Variants in CCDC142 observed in about 807,000 individuals in gnomAD.
CCDC142 encodes the protein coiled-coil domain containing 142.
Under a neutral mutation model 83.8 loss-of-function variants are expected in CCDC142, and 67 were observed. The observed-to-expected ratio is 0.80, with a 90% CI of 0.66 to 0.98. The LOEUF is 0.98. Ranked by LOEUF, CCDC142 falls within the 50% of genes least tolerant of loss-of-function variation. The probability of loss-of-function intolerance (pLI) is 0.00; values close to 1 mark genes in which losing one functional copy is unlikely to be tolerated. For synonymous variants in CCDC142, 421 were observed against 421.2 expected (o/e 1.00, Z 0.01); for missense variants, 905 against 946.8 (o/e 0.96, Z 0.58).
intron 5 of CCDC142, among the ~76,000 whole-genome samples, chr2:74,476,525 T>C (rs1672330463): frequency 6.6e-6 from 1 of 152,148 alleles, no homozygotes; most frequent in Non-Finnish European, 1.5e-5. Flanking sequence ...AGACAAGAAC[T>C]GTATGTAAAC....
Position 74,482,895 on chromosome 2 carries a change from C to CCG in CCDC142, c.-60_-59dup. 1 of 1,568,684 alleles carries CCG rather than the reference C, an allele frequency of 6.4e-7. No homozygotes were observed. The highest frequency in any genetic ancestry group is 8.6e-7 in the Non-Finnish European group (1 of 1,160,794). On this transcript the variant is annotated 5_prime_UTR_variant, in exon 1 of 9. The change abolishes the stop of an existing upstream ORF in the 5' untranslated region. Coordinates refer to ENST00000393965, the MANE Select transcript of CCDC142 (RefSeq NM_001365575.2). This position sits in a 1 kb window ranked among gnomAD's most constrained non-coding sequence, Gnocchi z 5.0. ...CCCACTTCCCTGCACGGACCAACGC[C>CCG]CGCCGCAGCTCGGACTTCGCCCCAT...
chr2:74,482,452 G>A lies in CCDC142; in HGVS notation c.386C>T (p.Ser129Leu), dbSNP rs1246972597. The A allele has an allele frequency of 1.3e-6, 2 of 1,551,600 alleles. No homozygotes were observed. The highest frequency in any genetic ancestry group is 2.0e-5 in the Admixed American group (1 of 51,016). Residue 129 changes from serine (S) to leucine (L), a missense_variant, in exon 1 of 9, where the codon TCG becomes TTG. Physicochemically the swap from Ser to Leu is moderately radical, Grantham distance 145 (BLOSUM62 -2). This residue lies in a region of CCDC142 where 591 missense variants were observed against 571.4 expected (regional missense o/e 1.03). Coordinates refer to ENST00000393965, the MANE Select transcript of CCDC142 (RefSeq NM_001365575.2). This position sits in a 1 kb window ranked among gnomAD's most constrained non-coding sequence, Gnocchi z 5.0. ...CAAGGGGCTAGGGCCGCCGGATGGC[G>A]AGCCAGGACTCAGGGTCTTCATGAG... ...VRLMKTLSPG[S>L]PSGGPSPLPQ...
chr2:74,481,115 C>G (rs766635612), intron 3 of CCDC142, 29 bp from the exon 4 acceptor site: 2 of 1,609,460 alleles, frequency 1.2e-6, no homozygotes, highest in Admixed American at 1.7e-5. Flanking sequence ...GAGTGAGTAT[C>G]TTAGGGGTCA....
At chr2:74,481,639 T>C in intron 1 of CCDC142, 101 bp from the exon 2 acceptor site, 1 of 1,393,896 alleles carries the variant, frequency 7.2e-7, no homozygotes, top group Non-Finnish European at 1.0e-6. Flanking sequence ...CCTCCAAGAC[T>C]CGGGACTGGG....
At position 74,473,027 on chromosome 2, in the gene CCDC142, A is replaced by G; in HGVS notation, c.*1519T>C. 1 of 320,830 alleles carries G rather than the reference A, an allele frequency of 3.1e-6. No homozygotes were observed. The highest frequency in any genetic ancestry group is 5.9e-6 in the Non-Finnish European group (1 of 169,384). The allele number at this position is 320,830 out of a possible 1,614,324, so 19.9% of individuals were successfully genotyped here. ...GCCACATCTAGGCTAACTCGATCTT[A>G]AATCCTGGCTTCTTCCAAAGAGAGA... On this transcript the variant is annotated 3_prime_UTR_variant, in exon 9 of 9. Transcript: ENST00000393965.
At chr2:74,476,041 C>T (rs889119534) in intron 5 of CCDC142, among the ~76,000 whole-genome samples, 12 of 134,844 alleles carry the variant, frequency 8.9e-5, no homozygotes, top group African/African-American at 3.2e-4. Context: ...CCCCCACCCC[C>T]GCAACACACA....
intron 8 of CCDC142, 24 bp from the exon 9 acceptor site, chr2:74,474,826 A>G (rs778643982): frequency 1.3e-6 from 2 of 1,597,080 alleles, no homozygotes; most frequent in Non-Finnish European, 1.7e-6. Context: ...AGTGGAAGGT[A>G]GGTGGCTGCT....
rs776693653 is a variant in CCDC142 at position 74,482,164 on chromosome 2, C to A, written c.674G>T (p.Gly225Val). 6.8e-6 allele frequency: 11 copies of A among 1,613,602 alleles called. No homozygotes were observed. The highest frequency in any genetic ancestry group is 1.7e-5 in the Admixed American group (1 of 60,012). The part of the protein sequence containing the change: ...LQRKALSHVP[G>V]AARPFPTSRV... The stretch of plus-strand genomic sequence containing the variant: ...GGACGTGGGGAAAGGACGTGCGGCC[C>A]CTGGGACGTGGCTCAAGGCTTTTCT... Residue 225 changes from glycine to valine, a missense_variant, in exon 1 of 9, where the codon GGG (glycine) becomes GTG (valine). Physicochemically the swap from Gly to Val is moderately radical, Grantham distance 109 (BLOSUM62 -3). This residue lies in a region of CCDC142 where 591 missense variants were observed against 571.4 expected (regional missense o/e 1.03). Transcript: ENST00000393965. This position sits in a 1 kb window ranked among gnomAD's most constrained non-coding sequence, Gnocchi z 5.0.
chr2:74,480,481 C>A (rs1383520315), intron 5 of CCDC142, among the ~76,000 whole-genome samples: 1 of 151,048 alleles, frequency 6.6e-6, no homozygotes, highest in African/African-American at 2.4e-5. Context: ...GTCTCAGCTA[C>A]TAGGGAGGCT....
chr2:74,475,239 A>G lies in CCDC142; in HGVS notation c.1782T>C (p.His594=), dbSNP rs766895524. The G allele has an allele frequency of 6.8e-6, 11 of 1,614,054 alleles. No individual in the cohort carries two copies. In the Admixed American group the frequency reaches 1.7e-4, roughly 24 times the overall value. Residue 594 remains histidine, a synonymous_variant, in exon 7 of 9, where the codon CAT becomes CAC. Transcript: ENST00000393965. ...TTACTCCTGACCTGAACCGAATCCCATGGGTAAGAATGTGGTCAAGCCAGG... is the reference window on the plus strand; with the variant it reads ...TTACTCCTGACCTGAACCGAATCCCGTGGGTAAGAATGTGGTCAAGCCAGG... The part of the protein sequence containing the change: ...VGAWLDHILT[H]GIRFSLQGAL...
At chr2:74,478,426 G>C (rs1290817833) in intron 5 of CCDC142, among the ~76,000 whole-genome samples, 1 of 151,446 alleles carries the variant, frequency 6.6e-6, no homozygotes, top group Non-Finnish European at 1.5e-5. Context: ...GCCCAGGCTG[G>C]AGTGCAATGG....
In CCDC142 at chr2:74,482,664, C is replaced by T; in HGVS notation, c.174G>A (p.Pro58=). ...AGTCCTCGCTCACATCCGCCGGCGT[C>T]GGCCACCACGGCGTCCCTCCAGAAG... ...SGTSGGTPWW[P]TPADVSEDYE... The change falls in exon 1 of 9, where the codon CCG becomes CCA. Residue 58 remains proline, a synonymous_variant. Coordinates refer to ENST00000393965, the MANE Select transcript of CCDC142 (RefSeq NM_001365575.2). The surrounding 1 kb of genome is among the most constrained non-coding windows in gnomAD (Gnocchi z 5.0). The T allele has an allele frequency of 2.5e-6, 4 of 1,611,170 alleles. No individual in the cohort carries two copies. The highest frequency in any genetic ancestry group is 3.4e-6 in the Non-Finnish European group (4 of 1,179,946).
chr2:74,474,609 T>G lies in CCDC142; in HGVS notation c.2190A>C (p.Gln730His). 1.2e-6 allele frequency: 2 copies of G among 1,614,234 alleles called. No homozygotes were observed. The highest frequency in any genetic ancestry group is 1.7e-6 in the Non-Finnish European group (2 of 1,180,038). The change falls in exon 9 of 9, where the codon CAA becomes CAC. Residue 730 changes from glutamine to histidine, a missense_variant. Coordinates refer to ENST00000393965, the MANE Select transcript of CCDC142 (RefSeq NM_001365575.2). ...GNQQAWLALRQHQRPRWHLPF... is the reference protein window; with the variant it reads ...GNQQAWLALRHHQRPRWHLPF... Reference sequence around the variant, plus strand: ...GCAGGTGCCAACGGGGTCGCTGGTGTTGCCTGAGGGCAAGCCAGGCCTGCT... The same window carrying G: ...GCAGGTGCCAACGGGGTCGCTGGTGGTGCCTGAGGGCAAGCCAGGCCTGCT...
rs1672295305 is a variant in CCDC142, at chr2:74,475,275, G to A, written c.1746C>T (p.Ala582=). 6.2e-7 allele frequency: 1 copy of A among 1,614,114 alleles called. No homozygotes were observed. Among genetic ancestry groups the A allele is most frequent in the African/African-American group, 1.3e-5 (1 of 74,950 alleles). The part of the protein sequence containing the change: ...QAPALGQALT[A]IVGAWLDHIL... ...TGTGGTCAAGCCAGGCACCCACGAT[G>A]GCCGTCAGAGCCTGACCAAGGGCAG... is the stretch of plus-strand genomic sequence containing the variant. Residue 582 remains alanine (A), a synonymous_variant, in exon 7 of 9, where the codon GCC becomes GCT. Coordinates refer to ENST00000393965, the MANE Select transcript of CCDC142 (RefSeq NM_001365575.2).
rs751371514 is a variant in CCDC142, at chr2:74,475,674, G to C, written c.1556C>G (p.Ala519Gly). The change falls in exon 6 of 9, where the codon GCC becomes GGC. Residue 519 changes from alanine (A) to glycine (G), a missense_variant. Physicochemically the swap from Ala to Gly is moderately conservative, Grantham distance 60. This residue lies in a region of CCDC142 where 265 missense variants were observed against 288.9 expected (regional missense o/e 0.92). Coordinates refer to ENST00000393965, the MANE Select transcript of CCDC142 (RefSeq NM_001365575.2). The part of the protein sequence containing the change: ...SVFSQECHKQ[A>G]MQGFKLYMPR... Reference sequence around the variant, plus strand: ...CATGTAGAGCTTGAAACCTTGCATGGCTTGTTTATGACATTCTTGAGAAAA... The same window carrying C: ...CATGTAGAGCTTGAAACCTTGCATGCCTTGTTTATGACATTCTTGAGAAAA... The C allele has an allele frequency of 6.2e-7, 1 of 1,614,042 alleles. No homozygotes were observed. The highest frequency in any genetic ancestry group is 1.1e-5 in the South Asian group (1 of 91,080).
In CCDC142 at chr2:74,481,987, C is replaced by T. The variant is rs199680140; in HGVS notation, c.851G>A (p.Gly284Asp). 4.3e-6 allele frequency: 7 copies of T among 1,613,888 alleles called. No homozygotes were observed. The highest frequency in any genetic ancestry group is 2.2e-5 in the East Asian group (1 of 44,882). The change falls in exon 1 of 9, where the codon GGC (glycine) becomes GAC (aspartate). Residue 284 changes from glycine (G) to aspartate (D), a missense_variant. Gly to Asp is a moderately conservative substitution (Grantham distance 94). This residue lies in a region of CCDC142 where 591 missense variants were observed against 571.4 expected (regional missense o/e 1.03). Transcript: ENST00000393965. ...TCCACAGCTGGCTGAACCCGCCACG[C>T]CCCCGACCAGGCCCAGCAGCCCTGG... is the stretch of plus-strand genomic sequence containing the variant. ...LLPGLLGLVG[G>D]VAGSASCGLG...
rs746270670 is a variant in CCDC142, at chr2:74,482,884, C to T, written c.-47G>A. 5.7e-6 allele frequency: 9 copies of T among 1,570,836 alleles called. No homozygotes were observed. In the South Asian group the frequency reaches 9.3e-5, roughly 16 times the overall value. On this transcript the variant is annotated 5_prime_UTR_variant, in exon 1 of 9. The change creates a new upstream start codon in the 5' untranslated region. Transcript: ENST00000393965. The surrounding 1 kb of genome is among the most constrained non-coding windows in gnomAD (Gnocchi z 5.0). ...ACCTAACGATTCCCACTTCCCTGCA[C>T]GGACCAACGCCCGCCGCAGCTCGGA...
chr2:74,482,047 A>C lies in CCDC142; in HGVS notation c.791T>G (p.Leu264Arg). ...ALQGSALRDQ[L>R]RRRCQEEGDL... is the part of the protein sequence containing the mutation. Reference sequence around the variant, plus strand: ...CCCCTCCTCTTGGCACCGCCTGCGGAGCTGGTCCCTCAACGCCGATCCTTG... The same window carrying C: ...CCCCTCCTCTTGGCACCGCCTGCGGCGCTGGTCCCTCAACGCCGATCCTTG... Residue 264 changes from leucine to arginine, a missense_variant, in exon 1 of 9, where the codon CTC (leucine) becomes CGC (arginine). Coordinates refer to ENST00000393965, the MANE Select transcript of CCDC142 (RefSeq NM_001365575.2). The surrounding 1 kb of genome is among the most constrained non-coding windows in gnomAD (Gnocchi z 5.0). 1 of 1,613,522 alleles carries C rather than the reference A, an allele frequency of 6.2e-7. No homozygotes were observed. The highest frequency in any genetic ancestry group is 8.5e-7 in the Non-Finnish European group (1 of 1,179,948).
Position 74,482,229 on chromosome 2 carries a change from G to A in CCDC142, c.609C>T (p.Ala203=). ...PASPGLSSQL[A]ELLFALPAYH... is the part of the protein sequence containing the mutation. Reference sequence around the variant, plus strand: ...AGGCGGGAAGTGCAAAGAGCAGCTCGGCGAGTTGGGACGACAGGCCCGGGC... The same window carrying A: ...AGGCGGGAAGTGCAAAGAGCAGCTCAGCGAGTTGGGACGACAGGCCCGGGC... Residue 203 remains alanine, a synonymous_variant, in exon 1 of 9, where the codon GCC becomes GCT. Transcript: ENST00000393965. The surrounding 1 kb of genome is among the most constrained non-coding windows in gnomAD (Gnocchi z 5.0). 1 of 1,613,454 alleles carries A rather than the reference G, an allele frequency of 6.2e-7. No homozygotes were observed. Among genetic ancestry groups the A allele is most frequent in the Admixed American group, 1.7e-5 (1 of 60,032 alleles).
Sources: allele counts gnomAD v4.1 joint callset (sites outside exome capture counted in the v4.1 genomes callset), GRCh38; gene constraint gnomAD v4.1.1; regional missense constraint gnomAD v4.1.1; non-coding constraint Gnocchi (gnomAD v3.1); transcripts MANE v1.5; gene names NCBI Gene and HGNC (gene_info 2026-07-23, HGNC 2026-07-21).